DAB1: variants seen among roughly 807,000 people sequenced by gnomAD.
DAB1 encodes DAB adaptor protein 1, also known as disabled homolog 1.
A neutral mutation model predicts 64.6 loss-of-function variants in DAB1; 15 were observed. The observed-to-expected ratio is 0.23, with a 90% confidence interval of 0.16 to 0.36. The LOEUF (loss-of-function observed/expected upper bound fraction) is 0.36. Among genes scored for constraint, DAB1 ranks in the 10% least tolerant of loss-of-function variants. The pLI is 1.00. For synonymous variants in DAB1, 235 were observed against 251.9 expected, an observed-to-expected ratio of 0.93 and a Z score of 0.64; for missense variants, 596 against 706.7, an observed-to-expected ratio of 0.84 and a Z score of 1.78.
chr1:57,515,273 C>T (rs1168008870), intron 7 of DAB1, among the ~76,000 whole-genome samples: 1 of 152,146 alleles, frequency 6.6e-6, no homozygotes, highest in African/African-American at 2.4e-5. Flanking sequence ...TTAGACTTCC[C>T]CTGAAATATT....
chr1:58,023,897 C>A (rs1363584100), intron 5 of DAB1, among the ~76,000 whole-genome samples: 1 of 151,846 alleles, frequency 6.6e-6, no homozygotes, highest in Non-Finnish European at 1.5e-5. Flanking sequence ...ATTAGCTTAG[C>A]CTCTAAGTCC....
intron 7 of DAB1, among the ~76,000 whole-genome samples, chr1:57,449,571 G>A (rs578096334): frequency 2.0e-4 from 31 of 152,120 alleles, no homozygotes; most frequent in Admixed American, 5.9e-4. Flanking sequence ...TAGAGATGGG[G>A]TCTTGTTATG....
intron 1 of DAB1, among the ~76,000 whole-genome samples, chr1:57,291,901 T>C (rs140226976): frequency 1.0e-3 from 154 of 152,304 alleles, no homozygotes; most frequent in African/African-American, 3.6e-3. Flanking sequence ...TTACAGGTAA[T>C]ATTTACTATA....
chr1:57,453,319 T>C (rs995900008), intron 7 of DAB1, among the ~76,000 whole-genome samples: 5 of 152,320 alleles, frequency 3.3e-5, no homozygotes, highest in African/African-American at 1.2e-4. Flanking sequence ...TGTATTCATG[T>C]ATGAGAAAAC....
At chr1:58,509,454 A>G (rs371210874) in intron 2 of DAB1, among the ~76,000 whole-genome samples, 68 of 152,038 alleles carry the variant, frequency 4.5e-4, no homozygotes, top group African/African-American at 1.6e-3. Context: ...ACAAATGAAA[A>G]TGAAAACACA....
chr1:57,258,285 A>G (rs935290722), intron 2 of DAB1, among the ~76,000 whole-genome samples: 22 of 152,172 alleles, frequency 1.4e-4, no homozygotes, highest in African/African-American at 5.3e-4. Context: ...GATTCTCACC[A>G]AAGGTCACAC....
intron 1 of DAB1, among the ~76,000 whole-genome samples, chr1:57,311,391 G>A (rs1323259985): frequency 6.6e-6 from 1 of 151,900 alleles, no homozygotes; most frequent in Non-Finnish European, 1.5e-5. Context: ...GGAAACTGAG[G>A]CAGCCATTTA....
At chr1:58,349,435 TTA>T (rs1644030628) in intron 3 of DAB1, among the ~76,000 whole-genome samples, 1 of 37,660 alleles carries the variant, frequency 2.7e-5, no homozygotes, top group African/African-American at 8.4e-5. Flanking sequence ...TTGGCTCCTT[TTA>T]TTATTATTAT....
intron 4 of DAB1, among the ~76,000 whole-genome samples, chr1:58,279,973 A>G (rs759549180): frequency 6.6e-6 from 1 of 152,096 alleles, no homozygotes; most frequent in Admixed American, 6.5e-5. Context: ...GGCCTCATCA[A>G]CGGGATGACT....
intron 2 of DAB1, among the ~76,000 whole-genome samples, chr1:57,233,255 C>CTTTTTTTTTTTTTT (rs1186221366): frequency 3.6e-4 from 22 of 60,808 alleles, no homozygotes; most frequent in South Asian, 1.0e-3. Flanking sequence ...TGCTCCGATT[C>CTTTTTTTTTTTTTT]TTTTTTTTTT....
intron 7 of DAB1, chr1:57,070,821 C>A (rs1471135519): frequency 1.7e-6 from 1 of 601,620 alleles, no homozygotes. Flanking sequence ...CTCCAAATCC[C>A]AAGATACCGA....
At chr1:58,179,528 T>C (rs533795134) in intron 4 of DAB1, among the ~76,000 whole-genome samples, 1 of 152,300 alleles carries the variant, frequency 6.6e-6, no homozygotes, top group Non-Finnish European at 1.5e-5. Flanking sequence ...TTTTAATCTA[T>C]TCACATTTTT....
intron 4 of DAB1, among the ~76,000 whole-genome samples, chr1:57,111,448 G>T (rs1376813109): frequency 6.6e-6 from 1 of 152,152 alleles, no homozygotes; most frequent in African/African-American, 2.4e-5. Context: ...CTCCAGCCAG[G>T]AAAGGAACTC....
At chr1:57,538,227 A>G (rs748545487) in intron 7 of DAB1, among the ~76,000 whole-genome samples, 12 of 152,092 alleles carry the variant, frequency 7.9e-5, no homozygotes, top group Non-Finnish European at 1.5e-4. Context: ...CCTGGCTTAG[A>G]CTGGCTCCTG....
chr1:57,288,276 TG>T (rs1490048312), intron 2 of DAB1, among the ~76,000 whole-genome samples: 1 of 152,136 alleles, frequency 6.6e-6, no homozygotes, highest in African/African-American at 2.4e-5. Context: ...ATCTATGCGA[TG>T]GTGATGATGA....
At chr1:57,127,693 C>A (rs1430386351) in intron 4 of DAB1, among the ~76,000 whole-genome samples, 1 of 152,146 alleles carries the variant, frequency 6.6e-6, no homozygotes, top group Non-Finnish European at 1.5e-5. Context: ...TAGTTGTGTT[C>A]AAGTGACCTA....
At chr1:57,745,217 A>C (rs1353364021) in intron 6 of DAB1, among the ~76,000 whole-genome samples, 1 of 152,148 alleles carries the variant, frequency 6.6e-6, no homozygotes, top group Non-Finnish European at 1.5e-5. Flanking sequence ...TGTATCCAGT[A>C]AAGTGTGGCG....
chr1:57,057,886 G>T (rs1046672134), intron 9 of DAB1, among the ~76,000 whole-genome samples: 1 of 152,074 alleles, frequency 6.6e-6, no homozygotes, highest in Non-Finnish European at 1.5e-5. Context: ...GGGATTACAG[G>T]CATGAGCCAC....
intron 3 of DAB1, among the ~76,000 whole-genome samples, chr1:58,461,113 A>G (rs1645239140): frequency 6.6e-6 from 1 of 152,252 alleles, no homozygotes; most frequent in Admixed American, 6.5e-5. Flanking sequence ...CATCAGTGTA[A>G]GCAAGCATTT....
Sources: allele counts gnomAD v4.1 joint callset (sites outside exome capture counted in the v4.1 genomes callset), GRCh38; gene constraint gnomAD v4.1.1; transcripts MANE v1.5; gene names NCBI Gene and HGNC (gene_info 2026-07-23, HGNC 2026-07-21).